The following SLC5A8 variants were observed in gnomAD, a reference collection of about 807,000 sequenced individuals.
SLC5A8 encodes the protein solute carrier family 5 member 8, also known as sodium-coupled monocarboxylate transporter 1.
Under a neutral mutation model 71.9 loss-of-function variants are expected in SLC5A8, and 55 were observed. That is an observed-to-expected ratio of 0.77 (90% CI 0.62 to 0.96). SLC5A8 has a LOEUF of 0.96. Ranked by LOEUF, SLC5A8 falls within the 40% of genes least tolerant of loss-of-function variation. SLC5A8 has a pLI of 0.00. For missense variants in SLC5A8, 701 were observed against 745.3 expected, an observed-to-expected ratio of 0.94 and a Z score of 0.69; for synonymous variants, 307 against 276.1, an observed-to-expected ratio of 1.11 and a Z score of -1.11.
At chr12:101,185,376 C>A (rs886458061) in intron 7 of SLC5A8, among the ~76,000 whole-genome samples, 1 of 152,166 alleles carries the variant, frequency 6.6e-6, no homozygotes, top group Non-Finnish European at 1.5e-5. Flanking sequence ...TCTATCCTAT[C>A]TTCAACTTTC....
chr12:101,204,572 CA>C lies in SLC5A8; in HGVS notation c.352-8del, dbSNP rs200416696. ...TAAATCGAAGTTCTAAATACTGTTG[CA>C]AAAAAAAAAATTATGCGAATCCTCT... On this transcript the variant is annotated splice_polypyrimidine_tract_variant and splice_region_variant and intron_variant, in intron 1 of 14. Coordinates refer to ENST00000536262, the MANE Select transcript of SLC5A8 (RefSeq NM_145913.5). 0.02 allele frequency: 23,442 copies of C among 1,158,916 alleles called. No individual in the cohort carries two copies. Among genetic ancestry groups the C allele is most frequent in the South Asian group, 0.035 (1,999 of 57,222 alleles). 71.8% of individuals were successfully genotyped at this position (1,158,916 alleles called of 1,614,324 possible).
intron 5 of SLC5A8, 131 bp downstream of exon 5, chr12:101,193,494 T>G: frequency 9.5e-7 from 1 of 1,053,212 alleles, no homozygotes; most frequent in Non-Finnish European, 1.4e-6. Context: ...ACTTCTCTGC[T>G]TCAATTTGCT....
chr12:101,158,039 G>A (rs971623072), intron 14 of SLC5A8, among the ~76,000 whole-genome samples: 4 of 152,136 alleles, frequency 2.6e-5, no homozygotes, highest in African/African-American at 9.7e-5. Flanking sequence ...TAAGCAATAG[G>A]TATAGCGTAT....
At chr12:101,157,521 G>A in intron 14 of SLC5A8, 120 bp from the exon 15 acceptor site, 3 of 1,239,034 alleles carry the variant, frequency 2.4e-6, no homozygotes, top group Non-Finnish European at 2.2e-6. Flanking sequence ...ATCTACTGAG[G>A]GAGAGAAATA....
At chr12:101,162,363 A>C (rs2137122104) in intron 12 of SLC5A8, among the ~76,000 whole-genome samples, 1 of 152,282 alleles carries the variant, frequency 6.6e-6, no homozygotes, top group East Asian at 1.9e-4. Flanking sequence ...AGGTAGATAA[A>C]CCATTTGACC....
intron 5 of SLC5A8, 110 bp downstream of exon 5, chr12:101,193,515 C>T (rs1869014206): frequency 1.5e-6 from 2 of 1,305,106 alleles, no homozygotes; most frequent in East Asian, 4.9e-5. Flanking sequence ...CTACCACATC[C>T]TTAGCAATTT....
chr12:101,177,444 TACACACAC>T (rs60836789), intron 10 of SLC5A8, among the ~76,000 whole-genome samples: 12 of 94,424 alleles, frequency 1.3e-4, no homozygotes, highest in South Asian at 7.1e-4. Flanking sequence ...AGGCAGTATA[TACACACAC>T]ACACACACAC....
At chr12:101,203,166 G>C (rs180682469) in intron 2 of SLC5A8, among the ~76,000 whole-genome samples, 1 of 152,188 alleles carries the variant, frequency 6.6e-6, no homozygotes, top group East Asian at 1.9e-4. Flanking sequence ...CTGAACAGTT[G>C]GTGAATGCAA....
intron 3 of SLC5A8, among the ~76,000 whole-genome samples, chr12:101,195,985 G>A (rs898558090): frequency 1.3e-5 from 2 of 152,082 alleles, no homozygotes; most frequent in African/African-American, 4.8e-5. Flanking sequence ...GTGAGCCACC[G>A]CGCCTGGCCG....
chr12:101,201,017 T>G (rs1364756564), intron 3 of SLC5A8, among the ~76,000 whole-genome samples: 1 of 152,180 alleles, frequency 6.6e-6, no homozygotes, highest in African/African-American at 2.4e-5. Context: ...CACCTTCACT[T>G]TCATTCTAAT....
chr12:101,193,192 C>T (rs1040017977), intron 5 of SLC5A8, among the ~76,000 whole-genome samples: 12 of 151,996 alleles, frequency 7.9e-5, no homozygotes, highest in South Asian at 2.1e-4. Flanking sequence ...AGGCTGGTCT[C>T]GAACTCCTGG....
At chr12:101,191,152 T>TAATC (rs201620187) in intron 5 of SLC5A8, among the ~76,000 whole-genome samples, 1,678 of 152,322 alleles carry the variant, frequency 0.011, 16 homozygotes, top group Middle Eastern at 0.024. Context: ...CATGTCATTG[T>TAATC]AATCATGCTT....
chr12:101,168,392 T>C (rs2051794114), intron 10 of SLC5A8, among the ~76,000 whole-genome samples: 1 of 152,156 alleles, frequency 6.6e-6, no homozygotes, highest in African/African-American at 2.4e-5. Flanking sequence ...TTTCTGCAAG[T>C]AGCCTCAAAA....
chr12:101,187,316 C>T, intron 7 of SLC5A8, 70 bp downstream of exon 7: 1 of 1,480,302 alleles, frequency 6.8e-7, no homozygotes, highest in South Asian at 1.5e-5. Context: ...AATATGAATG[C>T]TCTTTCCTCT....
chr12:101,176,751 T>C (rs1242377523), intron 10 of SLC5A8, among the ~76,000 whole-genome samples: 1 of 151,852 alleles, frequency 6.6e-6, no homozygotes, highest in Non-Finnish European at 1.5e-5. Flanking sequence ...TAAACAAACA[T>C]ACAAGATGTC....
chr12:101,196,623 A>G (rs1277599845), intron 3 of SLC5A8, among the ~76,000 whole-genome samples: 2 of 152,340 alleles, frequency 1.3e-5, no homozygotes, highest in Admixed American at 1.3e-4. Flanking sequence ...CAAGTTTGTG[A>G]CATTACCACA....
intron 14 of SLC5A8, among the ~76,000 whole-genome samples, chr12:101,157,658 G>A (rs1461586689): frequency 1.3e-5 from 2 of 151,976 alleles, no homozygotes; most frequent in Non-Finnish European, 2.9e-5. Context: ...AGGATAGACA[G>A]ATATATAGAG....
rs755734950 is a variant in SLC5A8 at position 101,157,326 on chromosome 12, CA to C, written c.1785del (p.Ile595MetfsTer3). On this transcript the variant is annotated frameshift_variant, in exon 15 of 15. Coordinates refer to ENST00000536262, the MANE Select transcript of SLC5A8 (RefSeq NM_145913.5). LOFTEE classifies it high-confidence loss of function. ...GGTDNPAFNHIELNSDQSGKS... is the reference protein window; with the variant it reads ...GGTDNPAFNHXELNSDQSGKS... ...TTGCCACTCTGATCTGAGTTCAATT[CA>C]ATGTGGTTGAAAGCAGGATTATCAG... 1 of 1,613,416 alleles carries C rather than the reference CA, an allele frequency of 6.2e-7. No homozygotes were observed. The highest frequency in any genetic ancestry group is 2.2e-5 in the East Asian group (1 of 44,832).
chr12:101,162,107 T>G lies in SLC5A8; in HGVS notation c.1527-30A>C, dbSNP rs184487515. On this transcript the variant is annotated intron_variant, in intron 12 of 14. Transcript: ENST00000536262. ...GAGAGCAAAAACACAACGGTAAGAT[T>G]TCATGTAATGCCACTAGCAACTACC... 41 of 1,469,790 alleles carry G rather than the reference T, an allele frequency of 2.8e-5. No homozygotes were observed. In the East Asian group the frequency reaches 8.6e-4, roughly 31 times the overall value. The allele number at this position is 1,469,790 out of a possible 1,614,324, so 91.0% of individuals were successfully genotyped here. A position where few individuals can be genotyped will look rare whatever the true frequency, so the allele number is the denominator to read the frequency against.
Sources: gnomAD v4.1 joint callset for allele counts (sites outside exome capture counted in the v4.1 genomes callset) on GRCh38, gnomAD v4.1.1 for gene constraint, MANE v1.5 for transcripts, NCBI Gene and HGNC (gene_info 2026-07-23, HGNC 2026-07-21) for gene names.